The following DPP6 variants were observed in gnomAD, a reference collection of about 807,000 sequenced individuals.
DPP6 encodes dipeptidyl peptidase like 6.
DPP6 carries 69 observed loss-of-function variants against 122.6 expected under a neutral mutation model. The ratio of observed to expected loss-of-function variants is 0.56; its 90% CI spans 0.46 to 0.69. The LOEUF is 0.69. DPP6 is among the 30% of genes least tolerant of loss of function. The pLI, the probability that DPP6 is intolerant of heterozygous loss-of-function variation, is 0.00. For missense variants in DPP6, 928 were observed against 1,116.9 expected (o/e 0.83, Z 2.41); for synonymous variants, 418 against 433.1 (o/e 0.97, Z 0.43).
At chr7:153,802,418 C>G in the DPP6 span, among the ~76,000 whole-genome samples, 5 of 152,282 alleles carry the variant, frequency 3.3e-5, no homozygotes, top group Middle Eastern at 3.4e-3. Flanking sequence ...GTTACTAAGA[C>G]TTTCACACAG....
the DPP6 span, among the ~76,000 whole-genome samples, chr7:153,869,169 C>T: frequency 4.5e-4 from 69 of 152,228 alleles, no homozygotes; most frequent in African/African-American, 1.2e-3. Context: ...CTATTAGGTC[C>T]GCTTGGTGCA....
intron 1 of DPP6, among the ~76,000 whole-genome samples, chr7:154,440,222 G>T (rs567749086): frequency 1.2e-4 from 19 of 152,288 alleles, no homozygotes; most frequent in Admixed American, 1.2e-3. Flanking sequence ...TCCCGCATTG[G>T]TTGCTTCAGT....
Position 154,319,927 on chromosome 7 carries a change from G to C in DPP6, c.244-126287G>C, listed in dbSNP as rs556106753. Among the ~76,000 whole-genome samples, 53 of 151,010 alleles carry C rather than the reference G, an allele frequency of 3.5e-4. No homozygotes were observed. The South Asian group carries it at 5.7e-3, about 16-fold the overall frequency. On this transcript the variant is annotated intron_variant, in intron 1 of 25. Coordinates refer to ENST00000377770, the MANE Select transcript of DPP6 (RefSeq NM_130797.4). Reference sequence around the variant, plus strand: ...AATTGCTTGAACCCAGGAGGCGGAGGTTGCGGTGAGCCGAGATCACACCAC... The same window carrying C: ...AATTGCTTGAACCCAGGAGGCGGAGCTTGCGGTGAGCCGAGATCACACCAC...
chr7:154,003,497 G>A (rs1797776280), intron 1 of DPP6, among the ~76,000 whole-genome samples: 1 of 152,196 alleles, frequency 6.6e-6, no homozygotes, highest in Non-Finnish European at 1.5e-5. Flanking sequence ...TGATTCTTTG[G>A]GGATGTCTTT....
At chr7:153,940,370 G>A (rs1801642655) in intron 1 of DPP6, among the ~76,000 whole-genome samples, 1 of 151,870 alleles carries the variant, frequency 6.6e-6, no homozygotes, top group South Asian at 2.1e-4. Context: ...AAGTGTTGAA[G>A]TCAAGTGTTG....
At chr7:154,804,058 C>A in intron 14 of DPP6, 103 bp downstream of exon 14, 1 of 1,354,100 alleles carries the variant, frequency 7.4e-7, no homozygotes, top group Non-Finnish European at 1.0e-6. Context: ...AGGAGGCCTC[C>A]TCTTTCCTCC....
At chr7:153,904,502 A>AG (rs1312421110) in intron 1 of DPP6, among the ~76,000 whole-genome samples, 3 of 152,184 alleles carry the variant, frequency 2.0e-5, no homozygotes, top group Admixed American at 6.5e-5. Flanking sequence ...AAAAGGCTTG[A>AG]GGGGGAGGGC....
At chr7:153,883,759 G>A (rs1178527149), upstream of DPP6, among the ~76,000 whole-genome samples, 5 of 152,166 alleles carry the variant, frequency 3.3e-5, no homozygotes, top group African/African-American at 7.2e-5. Flanking sequence ...AGGTAGACAC[G>A]TTGCAAAGAA....
intron 1 of DPP6, among the ~76,000 whole-genome samples, chr7:154,326,471 A>C (rs1355533989): frequency 6.6e-6 from 1 of 152,208 alleles, no homozygotes; most frequent in Non-Finnish European, 1.5e-5. Context: ...CCTATGATTT[A>C]AGAAATGCGA....
chr7:154,564,611 C>T (rs1830625782), intron 4 of DPP6, among the ~76,000 whole-genome samples: 1 of 152,176 alleles, frequency 6.6e-6, no homozygotes, highest in South Asian at 2.1e-4. Context: ...GTGAAAACCA[C>T]ACATATATCA....
At chr7:153,966,831 C>T (rs922876521) in intron 1 of DPP6, among the ~76,000 whole-genome samples, 1 of 151,190 alleles carries the variant, frequency 6.6e-6, no homozygotes, top group African/African-American at 2.4e-5. Flanking sequence ...CTTTGGGAGG[C>T]TGAGACAGGC....
intron 1 of DPP6, among the ~76,000 whole-genome samples, chr7:153,960,794 C>A (rs535742680): frequency 6.7e-6 from 1 of 149,094 alleles, no homozygotes; most frequent in East Asian, 2.0e-4. Context: ...GTTGATTGCT[C>A]CCCTGCTGTG....
chr7:154,669,329 C>G (rs753825686), intron 6 of DPP6, 31 bp from the exon 7 acceptor site: 46 of 1,551,504 alleles, frequency 3.0e-5, no homozygotes, highest in Non-Finnish European at 3.8e-5. Flanking sequence ...CAACATTTTG[C>G]TTTGTTTTTG....
chr7:154,103,254 G>A (rs1805884571), intron 1 of DPP6, among the ~76,000 whole-genome samples: 1 of 152,148 alleles, frequency 6.6e-6, no homozygotes, highest in African/African-American at 2.4e-5. Flanking sequence ...AAAACCATCT[G>A]CTCATTGCAG....
intron 1 of DPP6, among the ~76,000 whole-genome samples, chr7:154,063,845 T>C (rs10226961): frequency 4.9e-4 from 73 of 149,940 alleles, no homozygotes; most frequent in East Asian, 2.0e-4. Flanking sequence ...AAGTGCATGA[T>C]AGTCTGCATG....
At chr7:154,692,676 A>T (rs945202245) in intron 7 of DPP6, among the ~76,000 whole-genome samples, 1 of 152,000 alleles carries the variant, frequency 6.6e-6, no homozygotes, top group African/African-American at 2.4e-5. Flanking sequence ...CTACATAGAG[A>T]CCCACTCACC....
intron 15 of DPP6, among the ~76,000 whole-genome samples, chr7:154,805,338 A>G (rs1182120951): frequency 1.3e-5 from 2 of 152,060 alleles, no homozygotes; most frequent in Non-Finnish European, 2.9e-5. Flanking sequence ...GTGATTTGGA[A>G]ACAAACCCGT....
chr7:154,440,960 C>T (rs1025172825), intron 1 of DPP6, among the ~76,000 whole-genome samples: 2 of 152,168 alleles, frequency 1.3e-5, no homozygotes, highest in African/African-American at 4.8e-5. Flanking sequence ...GTGAAATCAT[C>T]CTCCAATCTC....
chr7:154,536,118 G>C (rs750242736), intron 3 of DPP6, among the ~76,000 whole-genome samples: 1 of 152,150 alleles, frequency 6.6e-6, no homozygotes, highest in African/African-American at 2.4e-5. Context: ...TAGTATAAGG[G>C]AATGAAACAT....
Sources: gnomAD v4.1 joint callset for allele counts (sites outside exome capture counted in the v4.1 genomes callset) on GRCh38, gnomAD v4.1.1 for gene constraint, MANE v1.5 for transcripts, NCBI Gene and HGNC (gene_info 2026-07-23, HGNC 2026-07-21) for gene names.